The following IGSF21 variants were observed in gnomAD, a reference collection of about 807,000 sequenced individuals.
IGSF21 encodes immunoglobulin superfamily member 21.
A neutral mutation model predicts 46.8 loss-of-function variants in IGSF21; 28 were observed. The observed-to-expected ratio is 0.60, with a 90% CI of 0.44 to 0.82. IGSF21 has a LOEUF of 0.82. Among genes scored for constraint, IGSF21 ranks in the 40% least tolerant of loss-of-function variants. IGSF21 has a pLI of 0.00. For missense variants in IGSF21, 624 were observed against 665.5 expected (o/e 0.94, Z 0.69); for synonymous variants, 284 against 273.6 (o/e 1.04, Z -0.38).
chr1:18,291,118 G>A (rs1375262880), intron 2 of IGSF21, among the ~76,000 whole-genome samples: 3 of 152,214 alleles, frequency 2.0e-5, no homozygotes, highest in South Asian at 4.1e-4. Context: ...GGAAGCAGGC[G>A]GGCGGCAGCT....
intron 2 of IGSF21, among the ~76,000 whole-genome samples, chr1:18,258,490 C>A (rs2084912472): frequency 6.6e-6 from 1 of 152,130 alleles, no homozygotes; most frequent in African/African-American, 2.4e-5. Flanking sequence ...AGTCAGGAAA[C>A]CTGGGTTTTA....
chr1:18,178,141 G>A (rs2086821461), intron 1 of IGSF21, among the ~76,000 whole-genome samples: 1 of 152,084 alleles, frequency 6.6e-6, no homozygotes, highest in South Asian at 2.1e-4. Context: ...AGAGAGAAAG[G>A]GAGTGTCAGA....
intron 1 of IGSF21, among the ~76,000 whole-genome samples, chr1:18,197,867 G>C (rs533782697): frequency 1.3e-5 from 2 of 152,322 alleles, no homozygotes; most frequent in Non-Finnish European, 2.9e-5. Flanking sequence ...GTCAGCTCCT[G>C]TCACTGTGAC....
chr1:18,200,506 T>C (rs4920458), intron 1 of IGSF21, among the ~76,000 whole-genome samples: 116,452 of 152,064 alleles, frequency 0.77, 45,073 homozygotes, highest in Non-Finnish European at 0.82. Context: ...TCTTGGTGTT[T>C]GGTGTTCCTG....
chr1:18,274,069 T>A (rs2085077596), intron 2 of IGSF21, among the ~76,000 whole-genome samples: 1 of 152,220 alleles, frequency 6.6e-6, no homozygotes, highest in African/African-American at 2.4e-5. Context: ...AAAAGAATTG[T>A]AAGTGTGTGG....
At chr1:18,304,538 A>G (rs907582671) in intron 3 of IGSF21, among the ~76,000 whole-genome samples, 9 of 152,294 alleles carry the variant, frequency 5.9e-5, no homozygotes, top group Admixed American at 5.9e-4. Flanking sequence ...CCAGCCGCAG[A>G]ATCAAAAGTC....
chr1:18,197,303 G>T (rs1319674326), intron 1 of IGSF21, among the ~76,000 whole-genome samples: 2 of 152,158 alleles, frequency 1.3e-5, no homozygotes, highest in Non-Finnish European at 2.9e-5. Flanking sequence ...AGCCTGTGGG[G>T]TGTCTGGACC....
intron 1 of IGSF21, among the ~76,000 whole-genome samples, chr1:18,175,417 A>AC (rs2086785783): frequency 2.0e-5 from 3 of 152,218 alleles, no homozygotes; most frequent in Admixed American, 1.3e-4. Flanking sequence ...GCACCCGCAG[A>AC]CAGCCGGGAG....
intron 1 of IGSF21, chr1:18,179,409 T>C (rs1193320821): frequency 6.6e-6 from 1 of 152,210 alleles, no homozygotes; most frequent in African/African-American, 2.4e-5. Flanking sequence ...GGTCCAGCAC[T>C]GTTACCTCCG....
chr1:18,359,397 A>T (rs1276502934), intron 4 of IGSF21, among the ~76,000 whole-genome samples: 3 of 133,852 alleles, frequency 2.2e-5, no homozygotes, highest in African/African-American at 8.8e-5. Flanking sequence ...GAAGGAAGGA[A>T]GGAAGGAAGG....
chr1:18,283,489 G>C (rs906170273), intron 2 of IGSF21, among the ~76,000 whole-genome samples: 1 of 152,222 alleles, frequency 6.6e-6, no homozygotes, highest in Non-Finnish European at 1.5e-5. Context: ...GGAACTGCAA[G>C]AGCGGTTTCA....
At chr1:18,359,269 C>A (rs1177875110) in intron 4 of IGSF21, among the ~76,000 whole-genome samples, 14 of 142,342 alleles carry the variant, frequency 9.8e-5, no homozygotes, top group Admixed American at 2.9e-4. Flanking sequence ...CAGAGCGAGA[C>A]CCTGCCTCAA....
intron 1 of IGSF21, among the ~76,000 whole-genome samples, chr1:18,123,658 G>C (rs945386754): frequency 6.6e-6 from 1 of 152,176 alleles, no homozygotes; most frequent in Non-Finnish European, 1.5e-5. Flanking sequence ...ACTGGGTCTT[G>C]AAGGATGCAT....
intron 3 of IGSF21, among the ~76,000 whole-genome samples, chr1:18,313,868 G>A (rs1024812647): frequency 1.3e-5 from 2 of 152,160 alleles, no homozygotes; most frequent in African/African-American, 4.8e-5. Context: ...CAGAGCCCTG[G>A]AACTCTGCCC....
chr1:18,340,478 C>T (rs1294636254), intron 4 of IGSF21, among the ~76,000 whole-genome samples: 1 of 152,214 alleles, frequency 6.6e-6, no homozygotes, highest in Non-Finnish European at 1.5e-5. Flanking sequence ...CCCCAGGTGC[C>T]AGGCACAATT....
intron 4 of IGSF21, among the ~76,000 whole-genome samples, chr1:18,338,092 T>C (rs2085790490): frequency 6.6e-6 from 1 of 152,134 alleles, no homozygotes; most frequent in African/African-American, 2.4e-5. Context: ...CAGACCTGGC[T>C]CAGAGGGGCA....
chr1:18,244,626 G>T (rs768780237), intron 2 of IGSF21, among the ~76,000 whole-genome samples: 5 of 152,178 alleles, frequency 3.3e-5, no homozygotes, highest in Non-Finnish European at 7.3e-5. Flanking sequence ...TAGTTATTGA[G>T]AGCCCTCTGT....
At chr1:18,198,927 C>G (rs749599874) in intron 1 of IGSF21, among the ~76,000 whole-genome samples, 1 of 151,956 alleles carries the variant, frequency 6.6e-6, no homozygotes, top group Non-Finnish European at 1.5e-5. Flanking sequence ...AGATGCCCCC[C>G]CAAAGCAAGA....
At chr1:18,262,428 T>C (rs2124537850) in intron 2 of IGSF21, among the ~76,000 whole-genome samples, 1 of 152,340 alleles carries the variant, frequency 6.6e-6, no homozygotes, top group Admixed American at 6.5e-5. Flanking sequence ...CTGTCTTCTA[T>C]AATTTGTGGG....
Sources: allele counts gnomAD v4.1 joint callset (sites outside exome capture counted in the v4.1 genomes callset), GRCh38; gene constraint gnomAD v4.1.1; transcripts MANE v1.5; gene names NCBI Gene and HGNC (gene_info 2026-07-23, HGNC 2026-07-21).